The following FUT9 variants were observed in gnomAD, a reference collection of about 807,000 sequenced individuals.
FUT9 encodes fucosyltransferase 9, also known as 4-galactosyl-N-acetylglucosaminide 3-alpha-L-fucosyltransferase 9.
FUT9 carries 15 observed loss-of-function variants against 29.7 expected under a neutral mutation model. The ratio of observed to expected loss-of-function variants is 0.51; its 90% CI spans 0.34 to 0.78. FUT9 has a LOEUF of 0.78. Ranked by LOEUF, FUT9 falls within the 30% of genes least tolerant of loss-of-function variation. The probability of loss-of-function intolerance (pLI) is 0.01; values close to 1 mark genes in which losing one functional copy is unlikely to be tolerated. For synonymous variants in FUT9, 169 were observed against 153.7 expected (o/e 1.10, Z -0.74); for missense variants, 319 against 425.4 (o/e 0.75, Z 2.20).
intron 1 of FUT9, among the ~76,000 whole-genome samples, chr6:96,031,952 A>G (rs1445725303): frequency 6.6e-6 from 1 of 151,552 alleles, no homozygotes. Context: ...ATCTGTAGCC[A>G]ATGTGGCCTA....
chr6:96,154,085 T>A (rs1772730789), intron 2 of FUT9, among the ~76,000 whole-genome samples: 1 of 152,242 alleles, frequency 6.6e-6, no homozygotes, highest in Non-Finnish European at 1.5e-5. Flanking sequence ...CAATGGTTAA[T>A]CTGTTTGACA....
intron 1 of FUT9, among the ~76,000 whole-genome samples, chr6:96,044,032 T>C (rs1014022658): frequency 3.9e-5 from 6 of 152,174 alleles, no homozygotes; most frequent in African/African-American, 1.2e-4. Context: ...ATTTAAAATA[T>C]ATGTAACAGT....
chr6:96,093,162 C>T (rs540716404), intron 1 of FUT9, among the ~76,000 whole-genome samples: 1 of 152,176 alleles, frequency 6.6e-6, no homozygotes, highest in South Asian at 2.1e-4. Context: ...TAGGCTTGTT[C>T]TCCCCACATA....
chr6:96,019,715 G>T (rs1169135980), intron 1 of FUT9, among the ~76,000 whole-genome samples: 4 of 152,018 alleles, frequency 2.6e-5, no homozygotes, highest in Non-Finnish European at 5.9e-5. Context: ...GACTGATTGT[G>T]TAAAATTCAA....
chr6:96,174,314 C>T (rs1773165377), intron 2 of FUT9, among the ~76,000 whole-genome samples: 1 of 152,050 alleles, frequency 6.6e-6, no homozygotes, highest in Non-Finnish European at 1.5e-5. Flanking sequence ...GAAATGTGAA[C>T]TGAGGATTAC....
intron 2 of FUT9, among the ~76,000 whole-genome samples, chr6:96,176,748 C>T (rs928645629): frequency 2.4e-4 from 36 of 152,126 alleles, no homozygotes; most frequent in Non-Finnish European, 5.0e-4. Context: ...GCCCTGCTGG[C>T]TTTGGTTCTG....
At chr6:96,184,137 G>T (rs1562155963) in intron 2 of FUT9, among the ~76,000 whole-genome samples, 1 of 152,006 alleles carries the variant, frequency 6.6e-6, no homozygotes, top group East Asian at 1.9e-4. Context: ...CTTGTTTTTG[G>T]TCTGTTCAGG....
At chr6:96,158,011 T>G (rs965859586) in intron 2 of FUT9, among the ~76,000 whole-genome samples, 9 of 152,186 alleles carry the variant, frequency 5.9e-5, no homozygotes, top group African/African-American at 1.9e-4. Context: ...AAAGAATCAC[T>G]AATAGAACAA....
At chr6:96,196,406 T>C (rs1773625019) in intron 2 of FUT9, among the ~76,000 whole-genome samples, 1 of 152,074 alleles carries the variant, frequency 6.6e-6, no homozygotes. Context: ...AAAAATGATC[T>C]GACCTAATAA....
At position 96,170,965 on chromosome 6, in the gene FUT9, T is replaced by G. The variant is rs115405631; in HGVS notation, c.-8-32183T>G. Among the ~76,000 whole-genome samples the G allele has an allele frequency of 3.1e-3, 467 of 151,890 alleles. 1 individual carries two copies. Among genetic ancestry groups the G allele is most frequent in the African/African-American group, 1.0e-2 (413 of 41,464 alleles). ...TCACTCATTCTGCTTTTTTCCCCCT[T>G]TCTTTCCCTACATTCTCACTGTTTC... On this transcript the variant is annotated intron_variant, in intron 2 of 2. Coordinates refer to ENST00000302103, the MANE Select transcript of FUT9 (RefSeq NM_006581.4).
intron 2 of FUT9, among the ~76,000 whole-genome samples, chr6:96,141,620 AC>A (rs1772465679): frequency 6.6e-6 from 1 of 152,214 alleles, no homozygotes; most frequent in Admixed American, 6.5e-5. Flanking sequence ...ATATTCACAG[AC>A]GCTTGCACTT....
At chr6:96,071,837 G>A (rs1225904677) in intron 1 of FUT9, among the ~76,000 whole-genome samples, 2 of 151,880 alleles carry the variant, frequency 1.3e-5, no homozygotes, top group Admixed American at 6.6e-5. Context: ...GTTCCACTAT[G>A]TTACCCAGGC....
At chr6:96,200,521 A>G (rs1293687766) in intron 2 of FUT9, among the ~76,000 whole-genome samples, 1 of 152,134 alleles carries the variant, frequency 6.6e-6, no homozygotes, top group Non-Finnish European at 1.5e-5. Context: ...TGATGTGTGT[A>G]AAATGCTTGG....
intron 1 of FUT9, among the ~76,000 whole-genome samples, chr6:96,029,772 T>G (rs893032310): frequency 6.6e-6 from 1 of 151,544 alleles, no homozygotes; most frequent in Non-Finnish European, 1.5e-5. Flanking sequence ...ACAGGGACTA[T>G]GACTAATGTA....
At chr6:96,042,083 A>G (rs1249327559) in intron 1 of FUT9, among the ~76,000 whole-genome samples, 1 of 151,588 alleles carries the variant, frequency 6.6e-6, no homozygotes, top group East Asian at 1.9e-4. Flanking sequence ...TGCTCAGTTC[A>G]CTCCCCCACC....
chr6:96,133,185 C>T (rs866288194), intron 2 of FUT9, among the ~76,000 whole-genome samples: 66 of 151,654 alleles, frequency 4.4e-4, no homozygotes, highest in African/African-American at 1.5e-3. Flanking sequence ...CATTTGTATG[C>T]GTGTGTACTG....
At chr6:96,157,310 C>T (rs1238876947) in intron 2 of FUT9, among the ~76,000 whole-genome samples, 1 of 152,114 alleles carries the variant, frequency 6.6e-6, no homozygotes, top group Non-Finnish European at 1.5e-5. Flanking sequence ...CAAAGGAGGA[C>T]CTTGAGCTCC....
intron 1 of FUT9, among the ~76,000 whole-genome samples, chr6:96,052,340 G>C (rs566175866): frequency 6.6e-6 from 1 of 152,174 alleles, no homozygotes; most frequent in East Asian, 1.9e-4. Context: ...ATATCAGAAA[G>C]TGTTACTAAA....
At chr6:96,189,146 C>T (rs531293943) in intron 2 of FUT9, among the ~76,000 whole-genome samples, 10 of 152,118 alleles carry the variant, frequency 6.6e-5, no homozygotes, top group Admixed American at 3.3e-4. Context: ...TTTTCACAAG[C>T]TACTGCCAGT....
Sources: gnomAD v4.1 joint callset for allele counts (sites outside exome capture counted in the v4.1 genomes callset) on GRCh38, gnomAD v4.1.1 for gene constraint, MANE v1.5 for transcripts, NCBI Gene and HGNC (gene_info 2026-07-23, HGNC 2026-07-21) for gene names.